Variants in ZNF503 observed in about 807,000 individuals in gnomAD.
The protein encoded by ZNF503 is NocA-like zinc finger 2.
ZNF503 carries 15 observed loss-of-function variants against 34.4 expected under a neutral mutation model. The ratio of observed to expected loss-of-function variants is 0.44; its 90% CI spans 0.29 to 0.67. ZNF503 has a LOEUF of 0.67. ZNF503 is among the 30% of genes least tolerant of loss of function. ZNF503 has a pLI of 0.13. For synonymous variants in ZNF503, 580 were observed against 456.8 expected, an observed-to-expected ratio of 1.27 and a Z score of -3.44; for missense variants, 1,007 against 926.8, an observed-to-expected ratio of 1.09 and a Z score of -1.12.
At chr10:75,280,521 GT>G in the ZNF503 span, among the ~76,000 whole-genome samples, 1 of 152,000 alleles carries the variant, frequency 6.6e-6, no homozygotes. Flanking sequence ...GGAGATGATT[GT>G]GGTGGGCTTG....
chr10:75,306,303 G>A, the ZNF503 span, among the ~76,000 whole-genome samples: 1 of 152,218 alleles, frequency 6.6e-6, no homozygotes, highest in South Asian at 2.1e-4. Flanking sequence ...GTGATGTTGA[G>A]TGTCATTTCA....
At chr10:75,348,444 C>A in the ZNF503 span, among the ~76,000 whole-genome samples, 1 of 150,976 alleles carries the variant, frequency 6.6e-6, no homozygotes, top group Non-Finnish European at 1.5e-5. Flanking sequence ...GTGATCTGCC[C>A]ACCTCGGTCT....
Position 75,398,696 on chromosome 10 carries a change from ACTC to A in ZNF503, c.*50_*52del. On this transcript the variant is annotated 3_prime_UTR_variant, in exon 2 of 2. Coordinates refer to ENST00000372524, the MANE Select transcript of ZNF503 (RefSeq NM_032772.6). ...GGGCCGTGATCCCGCCTCTCCCTGG[ACTC>A]CTCCCCTCCCCCTCTCCCTCCTCTC... The A allele has an allele frequency of 7.5e-7, 1 of 1,327,842 alleles. No homozygotes were observed. 82.3% of individuals were successfully genotyped at this position (1,327,842 alleles called of 1,614,324 possible).
Position 75,401,657 on chromosome 10 carries a change from G to A in ZNF503, c.-238C>T. ...GCCGGCTGGACTGCGGGAGTGCCGG[G>A]CGGCTCGCGGTGTCCGCCTCGGGCT... On this transcript the variant is annotated 5_prime_UTR_variant, in exon 1 of 2. Coordinates refer to ENST00000372524, the MANE Select transcript of ZNF503 (RefSeq NM_032772.6). 3.9e-6 allele frequency: 2 copies of A among 510,542 alleles called. No individual in the cohort carries two copies. Among genetic ancestry groups the A allele is most frequent in the Non-Finnish European group, 6.7e-6 (2 of 297,526 alleles). 31.6% of individuals were successfully genotyped at this position (510,542 alleles called of 1,614,324 possible). A position where few individuals can be genotyped will look rare whatever the true frequency, so the allele number is the denominator to read the frequency against.
At chr10:75,325,058 T>A in the ZNF503 span, among the ~76,000 whole-genome samples, 1 of 152,220 alleles carries the variant, frequency 6.6e-6, no homozygotes. Flanking sequence ...CTATGAATAT[T>A]CATGTACATG....
chr10:75,353,625 A>C, the ZNF503 span, among the ~76,000 whole-genome samples: 5 of 152,206 alleles, frequency 3.3e-5, no homozygotes, highest in African/African-American at 1.2e-4. Context: ...CATCCTTTGC[A>C]GTTTTTCTGA....
chr10:75,360,889 G>A, the ZNF503 span: 1 of 152,226 alleles, frequency 6.6e-6, no homozygotes, highest in African/African-American at 2.4e-5. Flanking sequence ...ATACCTTAGA[G>A]TGAGAAGATA....
the ZNF503 span, among the ~76,000 whole-genome samples, chr10:75,338,107 G>A: frequency 5.3e-5 from 8 of 152,304 alleles, no homozygotes. Context: ...TGTTTCTTAA[G>A]AATAGAAACA....
the ZNF503 span, among the ~76,000 whole-genome samples, chr10:75,302,327 C>T: frequency 6.6e-6 from 1 of 152,082 alleles, no homozygotes; most frequent in African/African-American, 2.4e-5. Flanking sequence ...CAGTTTTACT[C>T]TGTGGATCTA....
chr10:75,376,028 C>G, the ZNF503 span, among the ~76,000 whole-genome samples: 243 of 152,302 alleles, frequency 1.6e-3, no homozygotes, highest in African/African-American at 5.5e-3. Flanking sequence ...GAGGCTAGGG[C>G]TAGAATCAGC....
the ZNF503 span, among the ~76,000 whole-genome samples, chr10:75,354,161 T>C: frequency 2.4e-4 from 36 of 152,200 alleles, no homozygotes; most frequent in Non-Finnish European, 4.7e-4. Flanking sequence ...CCCAGGAAAA[T>C]GCAGCAGGTG....
chr10:75,400,936 TCC>T, intron 1 of ZNF503, 167 bp downstream of exon 1: 1 of 998,430 alleles, frequency 1.0e-6, no homozygotes, highest in Non-Finnish European at 1.5e-6. Flanking sequence ...TTCCACTTCC[TCC>T]CCCTTTTCCG....
chr10:75,289,122 T>C, the ZNF503 span, among the ~76,000 whole-genome samples: 10 of 152,208 alleles, frequency 6.6e-5, no homozygotes, highest in Non-Finnish European at 1.2e-4. Context: ...TTCTTGCTAC[T>C]TGGGGGGCCA....
Position 75,399,572 on chromosome 10 carries a change from T to C in ZNF503, c.1118A>G (p.Gln373Arg), listed in dbSNP as rs761194053. 12 of 1,596,254 alleles carry C rather than the reference T, an allele frequency of 7.5e-6. No homozygotes were observed. Among genetic ancestry groups the C allele is most frequent in the Admixed American group, 3.3e-5 (2 of 59,904 alleles). Reference protein sequence around the residue: ...LAGAYAGYPPQFLPHGVALDP... With the variant: ...LAGAYAGYPPRFLPHGVALDP... Reference sequence around the variant, plus strand: ...AAGTGCCACGCCGTGTGGCAGGAACTGGGGCGGGTAGCCGGCGTAGGCCCC... The same window carrying C: ...AAGTGCCACGCCGTGTGGCAGGAACCGGGGCGGGTAGCCGGCGTAGGCCCC... The change falls in exon 2 of 2, where the codon CAG becomes CGG. Residue 373 changes from glutamine to arginine, a missense_variant. Transcript: ENST00000372524.
the ZNF503 span, among the ~76,000 whole-genome samples, chr10:75,282,723 C>G: frequency 6.6e-6 from 1 of 152,140 alleles, no homozygotes; most frequent in Non-Finnish European, 1.5e-5. Context: ...ACCATGAATC[C>G]TAGTTTGGGC....
chr10:75,386,707 A>G, the ZNF503 span, among the ~76,000 whole-genome samples: 1 of 152,138 alleles, frequency 6.6e-6, no homozygotes, highest in Non-Finnish European at 1.5e-5. Context: ...CCTATTGCTT[A>G]TTGAAGAACA....
chr10:75,337,645 G>C, the ZNF503 span, among the ~76,000 whole-genome samples: 1 of 151,888 alleles, frequency 6.6e-6, no homozygotes, highest in African/African-American at 2.4e-5. Flanking sequence ...CTCCACAGCA[G>C]TACCTAGATT....
chr10:75,312,189 A>G, the ZNF503 span, among the ~76,000 whole-genome samples: 1 of 152,234 alleles, frequency 6.6e-6, no homozygotes, highest in Admixed American at 6.5e-5. Flanking sequence ...CCTGGGTGAC[A>G]GAGTGAGAAC....
chr10:75,397,909 T>C lies in ZNF503; in HGVS notation c.*840A>G, dbSNP rs1843720767. 1 of 152,692 alleles carries C rather than the reference T, an allele frequency of 6.5e-6. No individual in the cohort carries two copies. The highest frequency in any genetic ancestry group is 2.4e-5 in the African/African-American group (1 of 41,464). The allele number at this position is 152,692 out of a possible 1,614,324, so 9.5% of individuals were successfully genotyped here. A position where few individuals can be genotyped will look rare whatever the true frequency, so the allele number is the denominator to read the frequency against. Reference sequence around the variant, plus strand: ...ATACATTGTCTATTATTTTAGTACATGACGTAAACCTTGTCCCCTTCTCAG... The same window carrying C: ...ATACATTGTCTATTATTTTAGTACACGACGTAAACCTTGTCCCCTTCTCAG... On this transcript the variant is annotated 3_prime_UTR_variant, in exon 2 of 2. Coordinates refer to ENST00000372524, the MANE Select transcript of ZNF503 (RefSeq NM_032772.6).
Sources: gnomAD v4.1 joint callset for allele counts (sites outside exome capture counted in the v4.1 genomes callset) on GRCh38, gnomAD v4.1.1 for gene constraint, MANE v1.5 for transcripts, NCBI Gene and HGNC (gene_info 2026-07-23, HGNC 2026-07-21) for gene names.